CNTN5: variants seen among roughly 807,000 people sequenced by gnomAD.
CNTN5 encodes the protein contactin-5.
Under a neutral mutation model 129.1 loss-of-function variants are expected in CNTN5, and 77 were observed. That is an observed-to-expected ratio of 0.60 (90% CI 0.50 to 0.72). The LOEUF (loss-of-function observed/expected upper bound fraction) is 0.72, where lower values mean the gene tolerates loss of function less well. CNTN5 is among the 30% of genes least tolerant of loss of function. The pLI, the probability that CNTN5 is intolerant of heterozygous loss-of-function variation, is 0.00. For missense variants in CNTN5, 1,478 were observed against 1,328.8 expected, an observed-to-expected ratio of 1.11 and a Z score of -1.75; for synonymous variants, 509 against 465.6, an observed-to-expected ratio of 1.09 and a Z score of -1.20.
intron 16 of CNTN5, among the ~76,000 whole-genome samples, chr11:100,247,846 C>G (rs1016231396): frequency 2.0e-5 from 3 of 152,038 alleles, no homozygotes; most frequent in Non-Finnish European, 2.9e-5. Flanking sequence ...TGAGTCAACA[C>G]AAACTGGTCC....
intron 1 of CNTN5, among the ~76,000 whole-genome samples, chr11:99,210,885 C>T (rs539293524): frequency 1.3e-3 from 192 of 152,132 alleles, no homozygotes; most frequent in African/African-American, 4.5e-3. Flanking sequence ...CTGATGTATC[C>T]TAAAGTGTCT....
Position 99,819,578 on chromosome 11 carries a change from A to C in CNTN5, c.90A>C (p.Ser30=). ...AATCTCTTCCTGGTCTCTCCACTTC[A>C]TATGCTGCTTTGTTAAGAATTAAGA... ...YSKSLPGLST[S]YAALLRIKKS... Residue 30 remains serine (S), a synonymous_variant, in exon 4 of 25, where the codon TCA becomes TCC. Transcript: ENST00000524871. 6.2e-7 allele frequency: 1 copy of C among 1,612,802 alleles called. No homozygotes were observed. Among genetic ancestry groups the C allele is most frequent in the Non-Finnish European group, 8.5e-7 (1 of 1,179,780 alleles).
intron 3 of CNTN5, among the ~76,000 whole-genome samples, chr11:99,579,278 T>G (rs1298661181): frequency 2.7e-5 from 4 of 150,906 alleles, no homozygotes; most frequent in South Asian, 2.1e-4. Context: ...CCTCCAGCTT[T>G]GTTCTTTTGG....
chr11:99,191,289 G>A (rs574048915), intron 1 of CNTN5, among the ~76,000 whole-genome samples: 3 of 151,632 alleles, frequency 2.0e-5, no homozygotes, highest in Non-Finnish European at 4.4e-5. Context: ...AGGAATATTG[G>A]CCTATAATTT....
At chr11:99,797,570 TG>T (rs989702077) in intron 3 of CNTN5, among the ~76,000 whole-genome samples, 1 of 152,216 alleles carries the variant, frequency 6.6e-6, no homozygotes, top group African/African-American at 2.4e-5. Flanking sequence ...GCCACTTGTA[TG>T]TCTTCTTTTG....
At chr11:99,398,720 A>G (rs1486023292) in intron 2 of CNTN5, among the ~76,000 whole-genome samples, 1 of 151,924 alleles carries the variant, frequency 6.6e-6, no homozygotes, top group African/African-American at 2.4e-5. Context: ...ATTCCATTGT[A>G]TGGATGTCAG....
At chr11:99,991,527 A>T (rs754263111) in intron 8 of CNTN5, among the ~76,000 whole-genome samples, 1 of 152,178 alleles carries the variant, frequency 6.6e-6, no homozygotes, top group Non-Finnish European at 1.5e-5. Flanking sequence ...GTTGCAACTG[A>T]GAAACCCAAC....
chr11:99,805,722 T>G (rs538079015), intron 3 of CNTN5, among the ~76,000 whole-genome samples: 122 of 152,276 alleles, frequency 8.0e-4, no homozygotes, highest in African/African-American at 2.7e-3. Context: ...CAAGCAAAAA[T>G]ACACAAATGA....
chr11:99,879,227 C>T (rs1024489782), intron 6 of CNTN5, among the ~76,000 whole-genome samples: 3 of 152,018 alleles, frequency 2.0e-5, no homozygotes, highest in Non-Finnish European at 4.4e-5. Context: ...CGTGATCCAC[C>T]GTGCCTGGCC....
At chr11:99,173,020 G>A (rs926520980) in intron 1 of CNTN5, among the ~76,000 whole-genome samples, 9 of 152,180 alleles carry the variant, frequency 5.9e-5, no homozygotes, top group Admixed American at 1.3e-4. Context: ...GTGGATGGCA[G>A]CAGGCAAAGA....
chr11:99,756,989 T>C (rs1338053941), intron 3 of CNTN5, among the ~76,000 whole-genome samples: 1 of 151,928 alleles, frequency 6.6e-6, no homozygotes, highest in Non-Finnish European at 1.5e-5. Flanking sequence ...AATAACGTCT[T>C]TTTATACATG....
intron 8 of CNTN5, among the ~76,000 whole-genome samples, chr11:99,996,738 A>C (rs1319831350): frequency 6.6e-6 from 1 of 152,208 alleles, no homozygotes; most frequent in Non-Finnish European, 1.5e-5. Flanking sequence ...GGCCTCAGGA[A>C]ACTTACAATC....
intron 13 of CNTN5, among the ~76,000 whole-genome samples, chr11:100,090,752 C>G (rs1328070551): frequency 6.6e-6 from 1 of 151,662 alleles, no homozygotes; most frequent in Admixed American, 6.6e-5. Context: ...TCTTTAATAT[C>G]TATCATTGAT....
chr11:99,954,733 A>C (rs971182525), intron 7 of CNTN5, among the ~76,000 whole-genome samples: 19 of 152,228 alleles, frequency 1.2e-4, no homozygotes, highest in African/African-American at 3.1e-4. Flanking sequence ...AGCTCAGTCC[A>C]ATATTTTCAT....
At chr11:99,357,217 C>A (rs72985723) in intron 2 of CNTN5, among the ~76,000 whole-genome samples, 5,237 of 152,070 alleles carry the variant, frequency 0.034, 102 homozygotes, top group African/African-American at 0.043. Flanking sequence ...ATTACTAACA[C>A]CTTGTTGCTT....
intron 1 of CNTN5, among the ~76,000 whole-genome samples, chr11:99,026,507 A>G (rs1157594489): frequency 1.3e-5 from 2 of 151,596 alleles, no homozygotes; most frequent in African/African-American, 4.8e-5. Flanking sequence ...TGATGCTGTT[A>G]TTCTAATGTG....
intron 3 of CNTN5, among the ~76,000 whole-genome samples, chr11:99,628,140 G>A (rs548438127): frequency 6.6e-6 from 1 of 151,678 alleles, no homozygotes; most frequent in African/African-American, 2.4e-5. Flanking sequence ...GCATCAACTT[G>A]GTTCAAATTG....
intron 1 of CNTN5, among the ~76,000 whole-genome samples, chr11:99,227,086 C>T (rs112925196): frequency 0.14 from 21,563 of 152,078 alleles, 1,779 homozygotes; most frequent in Middle Eastern, 0.24. Flanking sequence ...GGTGGCCACA[C>T]GCAGTGGCTC....
At chr11:100,273,527 C>A (rs1950446087) in intron 18 of CNTN5, among the ~76,000 whole-genome samples, 1 of 152,150 alleles carries the variant, frequency 6.6e-6, no homozygotes, top group East Asian at 1.9e-4. Context: ...AGCGGATCCT[C>A]CCCCACCTTG....
Sources: gnomAD v4.1 joint callset for allele counts (sites outside exome capture counted in the v4.1 genomes callset) on GRCh38, gnomAD v4.1.1 for gene constraint, MANE v1.5 for transcripts, NCBI Gene and HGNC (gene_info 2026-07-23, HGNC 2026-07-21) for gene names.